FRMD8: variants seen among roughly 807,000 people sequenced by gnomAD.
The protein encoded by FRMD8 is FERM domain containing 8, also known as FERM domain-containing protein 8.
Under a neutral mutation model 54.2 loss-of-function variants are expected in FRMD8, and 37 were observed. The ratio of observed to expected loss-of-function variants is 0.68; its 90% CI spans 0.53 to 0.90. FRMD8 has a LOEUF of 0.90. Among genes scored for constraint, FRMD8 ranks in the 40% least tolerant of loss-of-function variants. FRMD8 has a pLI of 0.00. For missense variants in FRMD8, 585 were observed against 653.7 expected (o/e 0.89, Z 1.15); for synonymous variants, 246 against 286.9 (o/e 0.86, Z 1.44).
upstream of FRMD8, chr11:65,382,149 G>A (rs879008907): frequency 6.5e-6 from 4 of 618,950 alleles, no homozygotes; most frequent in South Asian, 7.1e-5. This position sits in a 1 kb window ranked among gnomAD's most constrained non-coding sequence, Gnocchi z 4.4. Flanking sequence ...CCACCTGGAG[G>A]AGTCGTGCAG....
chr11:65,371,513 C>G, the FRMD8 span, among the ~76,000 whole-genome samples: 1 of 152,172 alleles, frequency 6.6e-6, no homozygotes, highest in Non-Finnish European at 1.5e-5. Context: ...TTTCTTCTGT[C>G]GAAAAGAGTT....
At chr11:65,406,749 G>C (rs2137935795) in intron 10 of FRMD8, among the ~76,000 whole-genome samples, 1 of 152,104 alleles carries the variant, frequency 6.6e-6, no homozygotes, top group South Asian at 2.1e-4. Flanking sequence ...AGACCAGTCT[G>C]ACCAACATGG....
the FRMD8 span, chr11:65,376,676 C>T: frequency 6.2e-7 from 1 of 1,613,834 alleles, no homozygotes; most frequent in South Asian, 1.1e-5. Context: ...GTGGCTGAGC[C>T]TGGGGCAGAG....
chr11:65,411,694 G>A lies in FRMD8; in HGVS notation c.*334G>A. 4.7e-6 allele frequency: 1 copy of A among 212,430 alleles called. No homozygotes were observed. 13.2% of individuals were successfully genotyped at this position (212,430 alleles called of 1,614,324 possible). A position where few individuals can be genotyped will look rare whatever the true frequency, so the allele number is the denominator to read the frequency against. On this transcript the variant is annotated 3_prime_UTR_variant, in exon 11 of 11. Transcript: ENST00000317568. ...TTGTGCCCACCTCAAGATGGGCAGT[G>A]TCCCTGTTCTGAAGTGCCCAGTGGC...
intron 10 of FRMD8, among the ~76,000 whole-genome samples, chr11:65,406,011 A>ATT (rs953734545): frequency 6.7e-6 from 1 of 150,200 alleles, no homozygotes; most frequent in African/African-American, 2.5e-5. Context: ...ATATATATAT[A>ATT]TTTTTTTTAA....
At chr11:65,394,517 G>T (rs796626040) in intron 6 of FRMD8, 92 bp downstream of exon 6, 4 of 1,449,850 alleles carry the variant, frequency 2.8e-6, no homozygotes, top group Admixed American at 2.1e-5. Context: ...CTCGCAAGGT[G>T]GGGGCAGGGT....
upstream of FRMD8, chr11:65,382,456 G>A (rs1389320520): frequency 1.6e-5 from 3 of 182,504 alleles, no homozygotes; most frequent in East Asian, 1.4e-4. The surrounding 1 kb of genome is among the most constrained non-coding windows in gnomAD (Gnocchi z 4.4). Context: ...GTGGCAGGGT[G>A]GGGAGGAGCC....
chr11:65,413,133 T>G lies in FRMD8; in HGVS notation c.*1773T>G, dbSNP rs11551353. 3.3e-5 allele frequency: 5 copies of G among 152,228 alleles called. No homozygotes were observed. Among genetic ancestry groups the G allele is most frequent in the Non-Finnish European group, 7.3e-5 (5 of 68,108 alleles). The allele number at this position is 152,228 out of a possible 1,614,324, so 9.4% of individuals were successfully genotyped here. A position where few individuals can be genotyped will look rare whatever the true frequency, so the allele number is the denominator to read the frequency against. ...CCTCCTGAGTAGCTGGGATTACAGGTGCATGCCACCAGGCCCCGCTGATTT... is the reference window on the plus strand; with the variant it reads ...CCTCCTGAGTAGCTGGGATTACAGGGGCATGCCACCAGGCCCCGCTGATTT... On this transcript the variant is annotated 3_prime_UTR_variant, in exon 11 of 11. Coordinates refer to ENST00000317568, the MANE Select transcript of FRMD8 (RefSeq NM_031904.5).
In FRMD8 at chr11:65,394,479, G is replaced by A. The variant is rs140653831; in HGVS notation, c.581+54G>A. 19 of 1,526,902 alleles carry A rather than the reference G, an allele frequency of 1.2e-5. No homozygotes were observed. In the Admixed American group the frequency reaches 3.8e-4, roughly 30 times the overall value. The allele number at this position is 1,526,902 out of a possible 1,614,324, so 94.6% of individuals were successfully genotyped here. ...GCGCTGGGTGGGGGAGTTTGTCCTT[G>A]GAATGGAACTTACAAGCAGTCTTCA... On this transcript the variant is annotated intron_variant, in intron 6 of 10. Transcript: ENST00000317568.
In FRMD8 at chr11:65,400,772, T is replaced by TC. The variant is rs1165698473; in HGVS notation, c.981dup (p.Glu328ArgfsTer39). 1.3e-5 allele frequency: 21 copies of TC among 1,610,632 alleles called. No individual in the cohort carries two copies. The highest frequency in any genetic ancestry group is 1.8e-5 in the Non-Finnish European group (21 of 1,179,040). On this transcript the variant is annotated frameshift_variant, in exon 9 of 11. Coordinates refer to ENST00000317568, the MANE Select transcript of FRMD8 (RefSeq NM_031904.5). LOFTEE classifies it high-confidence loss of function. This position sits in a 1 kb window ranked among gnomAD's most constrained non-coding sequence, Gnocchi z 4.3. ...CCAGGAGCTGTCGTGGGACCACACC[T>TC]CCCCCGAGGAGGAGGAGCCCATCTT...
the FRMD8 span, chr11:65,376,541 A>G: frequency 3.7e-5 from 59 of 1,614,070 alleles, 1 homozygote; most frequent in African/African-American, 4.0e-5. Context: ...CTCACCATGC[A>G]GTCCAGCATC....
At chr11:65,399,005 T>A (rs1459304787) in intron 7 of FRMD8, among the ~76,000 whole-genome samples, 6 of 149,036 alleles carry the variant, frequency 4.0e-5, no homozygotes, top group African/African-American at 1.5e-4. Flanking sequence ...TTTTTTTTTT[T>A]TTTTTTTTTT....
chr11:65,409,165 A>G lies in FRMD8; in HGVS notation c.1277-2077A>G, dbSNP rs528459267. Among the ~76,000 whole-genome samples the G allele has an allele frequency of 2.6e-5, 4 of 151,944 alleles. 1 individual carries two copies. The highest frequency in any genetic ancestry group is 3.4e-3 in the Middle Eastern group (1 of 294). On this transcript the variant is annotated intron_variant, in intron 10 of 10. Transcript: ENST00000317568. ...CAATGGCATGATCTCAGCTCACTGC[A>G]ACCTCTGCCTCCCGGGTTCAAGTGA...
chr11:65,392,191 C>A (rs771012309), intron 3 of FRMD8, among the ~76,000 whole-genome samples: 2 of 152,002 alleles, frequency 1.3e-5, no homozygotes, highest in Non-Finnish European at 2.9e-5. Context: ...AATGTTGGGA[C>A]GAGAAAGGGC....
upstream of FRMD8, among the ~76,000 whole-genome samples, chr11:65,383,993 C>T (rs1403467578): frequency 6.6e-6 from 1 of 152,042 alleles, no homozygotes; most frequent in African/African-American, 2.4e-5. Flanking sequence ...GGACAGCAGT[C>T]GGGCTAATTG....
At chr11:65,376,609 A>C in the FRMD8 span, 1 of 1,614,100 alleles carries the variant, frequency 6.2e-7, no homozygotes, top group Non-Finnish European at 8.5e-7. Flanking sequence ...GATCATGTCT[A>C]AGGGCGTGGC....
At chr11:65,394,204 A>C in intron 5 of FRMD8, 55 bp from the exon 6 acceptor site, 1 of 1,592,024 alleles carries the variant, frequency 6.3e-7, no homozygotes. Flanking sequence ...CCAACTGAGC[A>C]GCTCTCCCTG....
At position 65,400,185 on chromosome 11, in the gene FRMD8, C is replaced by T. The variant is rs556246093; in HGVS notation, c.927+326C>T. On this transcript the variant is annotated intron_variant, in intron 8 of 10. Transcript: ENST00000317568. The surrounding 1 kb of genome is among the most constrained non-coding windows in gnomAD (Gnocchi z 4.3). ...GCTCCAGAAGACCCCGCGACGGGAGCCCTCTTGGGCTGACCGTGTCCTCTT... is the reference window on the plus strand; with the variant it reads ...GCTCCAGAAGACCCCGCGACGGGAGTCCTCTTGGGCTGACCGTGTCCTCTT... Among the ~76,000 whole-genome samples the T allele has an allele frequency of 6.6e-6, 1 of 152,334 alleles. No individual in the cohort carries two copies. Among genetic ancestry groups the T allele is most frequent in the South Asian group, 2.1e-4 (1 of 4,834 alleles).
At chr11:65,375,063 CT>C in the FRMD8 span, 1 of 152,242 alleles carries the variant, frequency 6.6e-6, no homozygotes, top group Admixed American at 6.5e-5. Flanking sequence ...GCATCCTCCA[CT>C]GCAGGTGACC....
Sources: allele counts gnomAD v4.1 joint callset (sites outside exome capture counted in the v4.1 genomes callset), GRCh38; gene constraint gnomAD v4.1.1; non-coding constraint Gnocchi (gnomAD v3.1); transcripts MANE v1.5; gene names NCBI Gene and HGNC (gene_info 2026-07-23, HGNC 2026-07-21).